GSE1: variants seen among roughly 807,000 people sequenced by gnomAD.
GSE1 encodes genetic suppressor element 1.
In GSE1, 32 loss-of-function variants were observed where a neutral mutation model predicts 112.6. The observed-to-expected ratio is 0.28, with a 90% CI of 0.21 to 0.38. GSE1 has a LOEUF of 0.38. Among genes scored for constraint, GSE1 ranks in the 10% least tolerant of loss-of-function variants. The pLI is 1.00. For synonymous variants in GSE1, 1,115 were observed against 735.6 expected (o/e 1.52, Z -8.35); for missense variants, 2,348 against 1,699.2 (o/e 1.38, Z -6.71).
At chr16:85,324,727 G>A (rs111767912) in intron 1 of GSE1, among the ~76,000 whole-genome samples, 2,296 of 152,186 alleles carry the variant, frequency 0.015, 60 homozygotes, top group African/African-American at 0.053. Flanking sequence ...TGCGCCATCC[G>A]TGACATGTCC....
At chr16:85,475,342 C>T (rs1360429263) in intron 2 of GSE1, among the ~76,000 whole-genome samples, 2 of 152,180 alleles carry the variant, frequency 1.3e-5, no homozygotes, top group African/African-American at 4.8e-5. Flanking sequence ...CTGCCTGTAC[C>T]TGGGTGGGGT....
intron 2 of GSE1, among the ~76,000 whole-genome samples, chr16:85,517,030 C>T (rs774143706): frequency 1.3e-5 from 2 of 152,214 alleles, no homozygotes; most frequent in African/African-American, 4.8e-5. Flanking sequence ...ATCTCCTGAT[C>T]TCATGATCCA....
chr16:85,465,325 G>T (rs932417279), intron 2 of GSE1, among the ~76,000 whole-genome samples: 1 of 152,166 alleles, frequency 6.6e-6, no homozygotes, highest in African/African-American at 2.4e-5. Flanking sequence ...TCTCTGCTTG[G>T]TGCCTGGGCT....
At chr16:85,180,692 T>C (rs568257576) in intron 1 of GSE1, among the ~76,000 whole-genome samples, 1 of 152,288 alleles carries the variant, frequency 6.6e-6, no homozygotes, top group African/African-American at 2.4e-5. Flanking sequence ...GGCGCCGGGA[T>C]CCGCACCCAG....
At chr16:85,602,487 C>T (rs988067084) in intron 1 of GSE1, among the ~76,000 whole-genome samples, 3 of 152,136 alleles carry the variant, frequency 2.0e-5, no homozygotes, top group African/African-American at 4.8e-5. Context: ...CCTGGTCTGC[C>T]GGTGTGAGCG....
rs556767069 is a variant in GSE1, at chr16:85,312,392, G to A, written c.2284-45071G>A. On this transcript the variant is annotated intron_variant, in intron 1 of 2. Transcript: ENST00000637419. ...CCTCCCTTCCAAGGCTCGGGGACCC[G>A]TCCTGCCTCTTCCAGTTCCCATTGG... 1.8e-4 allele frequency among the ~76,000 whole-genome samples: 27 copies of A among 152,268 alleles called. No individual in the cohort carries two copies. In the South Asian group the frequency reaches 4.6e-3, roughly 26 times the overall value.
intron 2 of GSE1, among the ~76,000 whole-genome samples, chr16:85,526,334 C>T (rs1040247100): frequency 1.3e-5 from 2 of 152,254 alleles, no homozygotes; most frequent in African/African-American, 4.8e-5. Flanking sequence ...GTTGGGGACC[C>T]AGGCCGCTGT....
At chr16:85,554,909 G>A (rs903756563), upstream of GSE1, 20 of 985,416 alleles carry the variant, frequency 2.0e-5, no homozygotes, top group East Asian at 1.0e-3. Flanking sequence ...GGAGCGAAGG[G>A]GAGCACCCTG....
intron 1 of GSE1, among the ~76,000 whole-genome samples, chr16:85,186,489 G>C (rs770149534): frequency 7.2e-5 from 11 of 152,238 alleles, no homozygotes; most frequent in South Asian, 2.1e-4. Context: ...TGTAGTCCCA[G>C]CTACTAGAGA....
At chr16:85,418,230 G>C (rs1443743146) in intron 2 of GSE1, among the ~76,000 whole-genome samples, 1 of 152,232 alleles carries the variant, frequency 6.6e-6, no homozygotes, top group Non-Finnish European at 1.5e-5. Context: ...ATGTGCTCCG[G>C]GAAGCGTGCT....
At chr16:85,605,751 A>T (rs1278476650) in intron 1 of GSE1, among the ~76,000 whole-genome samples, 1 of 151,950 alleles carries the variant, frequency 6.6e-6, no homozygotes, top group African/African-American at 2.4e-5. Flanking sequence ...GTCTGGCCCC[A>T]GGGTGTTTTT....
At chr16:85,223,866 A>G (rs1003965408) in intron 1 of GSE1, among the ~76,000 whole-genome samples, 3 of 152,096 alleles carry the variant, frequency 2.0e-5, no homozygotes, top group South Asian at 4.1e-4. Flanking sequence ...TGGCCCCTCA[A>G]GGTGCTGGGA....
At chr16:85,487,802 C>T (rs145425559) in intron 2 of GSE1, among the ~76,000 whole-genome samples, 45 of 152,368 alleles carry the variant, frequency 3.0e-4, no homozygotes, top group Middle Eastern at 3.4e-3. Context: ...GAGCTCAAGG[C>T]AGGCATCTGT....
intron 2 of GSE1, among the ~76,000 whole-genome samples, chr16:85,517,805 G>T (rs2052003073): frequency 6.6e-6 from 1 of 152,280 alleles, no homozygotes; most frequent in South Asian, 2.1e-4. Context: ...CCGCCTCATG[G>T]CCTCACATGC....
At chr16:85,659,412 T>C (rs1350614765) in intron 8 of GSE1, 1 of 152,314 alleles carries the variant, frequency 6.6e-6, no homozygotes, top group Non-Finnish European at 1.5e-5. Context: ...TAGGCCCAAC[T>C]ACTCTGGAGG....
At chr16:85,297,216 G>C (rs1009293680) in intron 1 of GSE1, among the ~76,000 whole-genome samples, 3 of 152,214 alleles carry the variant, frequency 2.0e-5, no homozygotes, top group Admixed American at 2.0e-4. Context: ...GGAGTTGCTC[G>C]GAGCATCTGT....
chr16:85,551,188 G>A (rs1451249437), upstream of GSE1, among the ~76,000 whole-genome samples: 3 of 152,220 alleles, frequency 2.0e-5, no homozygotes, highest in African/African-American at 7.2e-5. Context: ...GAGGGATGGG[G>A]ACAGAGAGCA....
intron 1 of GSE1, among the ~76,000 whole-genome samples, chr16:85,303,294 C>G (rs1372108402): frequency 6.6e-6 from 1 of 152,238 alleles, no homozygotes; most frequent in East Asian, 1.9e-4. Flanking sequence ...TATGCCCCAG[C>G]CCCAGTCATG....
intron 1 of GSE1, among the ~76,000 whole-genome samples, chr16:85,263,980 TC>T (rs1317497729): frequency 6.6e-6 from 1 of 152,088 alleles, no homozygotes; most frequent in East Asian, 1.9e-4. Context: ...CAGCGGGCCC[TC>T]CAGCCTGGGG....
Sources: allele counts gnomAD v4.1 joint callset (sites outside exome capture counted in the v4.1 genomes callset), GRCh38; gene constraint gnomAD v4.1.1; transcripts MANE v1.5; gene names NCBI Gene and HGNC (gene_info 2026-07-23, HGNC 2026-07-21).